The following ERC2 variants were observed in gnomAD, a reference collection of about 807,000 sequenced individuals.
ERC2 encodes ELKS/RAB6-interacting/CAST family member 2.
In ERC2, 42 loss-of-function variants were observed where a neutral mutation model predicts 114.8. That is an observed-to-expected ratio of 0.37 (90% confidence interval 0.29 to 0.47). The LOEUF (loss-of-function observed/expected upper bound fraction) is 0.47. ERC2 is among the 20% of genes least tolerant of loss of function. ERC2 has a pLI of 0.99. For missense variants in ERC2, 939 were observed against 1,150.7 expected (o/e 0.82, Z 2.66); for synonymous variants, 454 against 425.5 (o/e 1.07, Z -0.82).
At chr3:56,050,605 C>T (rs2149683523) in intron 7 of ERC2, among the ~76,000 whole-genome samples, 2 of 152,276 alleles carry the variant, frequency 1.3e-5, no homozygotes, top group South Asian at 4.1e-4. Context: ...TCAGCAAACA[C>T]CTTGTCTTCT....
chr3:56,287,514 C>T (rs930562744), intron 3 of ERC2, among the ~76,000 whole-genome samples: 1 of 152,164 alleles, frequency 6.6e-6, no homozygotes, highest in Non-Finnish European at 1.5e-5. Flanking sequence ...TTAATCTTCC[C>T]GCTGCTCTAT....
intron 3 of ERC2, among the ~76,000 whole-genome samples, chr3:56,190,603 C>A (rs1344455938): frequency 6.6e-6 from 1 of 151,652 alleles, no homozygotes; most frequent in African/African-American, 2.4e-5. Context: ...GCCCTGCTAA[C>A]TTTTTAAAAT....
chr3:55,600,918 T>C (rs1289387087), intron 17 of ERC2, among the ~76,000 whole-genome samples: 1 of 152,270 alleles, frequency 6.6e-6, no homozygotes, highest in African/African-American at 2.4e-5. Context: ...CCCTGCCATG[T>C]GGCATCTGGA....
At chr3:55,945,494 A>G (rs1415570280) in intron 13 of ERC2, among the ~76,000 whole-genome samples, 2 of 152,232 alleles carry the variant, frequency 1.3e-5, no homozygotes, top group Non-Finnish European at 1.5e-5. Flanking sequence ...CCTTCTGCAA[A>G]GAAACAACTT....
intron 7 of ERC2, among the ~76,000 whole-genome samples, chr3:56,056,024 C>T (rs936993939): frequency 2.6e-5 from 4 of 152,168 alleles, no homozygotes; most frequent in African/African-American, 9.7e-5. Context: ...TTGGAAGAGA[C>T]TTGTGCAAAG....
chr3:55,695,451 GAGCTGCCACACTGC>G (rs2062879335), intron 16 of ERC2, among the ~76,000 whole-genome samples: 1 of 152,138 alleles, frequency 6.6e-6, no homozygotes, highest in African/African-American at 2.4e-5. Flanking sequence ...CTAGATTCTT[GAGCTGCCACACTGC>G]ACTGACTTCT....
At chr3:56,194,279 G>T (rs1575770001) in intron 3 of ERC2, among the ~76,000 whole-genome samples, 1 of 152,000 alleles carries the variant, frequency 6.6e-6, no homozygotes, top group African/African-American at 2.4e-5. Flanking sequence ...AGAATCCGTG[G>T]ATTAACTTTA....
chr3:55,614,121 ACT>A (rs1388614972), intron 17 of ERC2, among the ~76,000 whole-genome samples: 5 of 151,668 alleles, frequency 3.3e-5, no homozygotes, highest in Admixed American at 1.3e-4. Flanking sequence ...GATCAGCCTG[ACT>A]CTGTTTTCAC....
At chr3:56,367,249 G>C (rs1370944858) in intron 2 of ERC2, among the ~76,000 whole-genome samples, 1 of 150,156 alleles carries the variant, frequency 6.7e-6, no homozygotes, top group Non-Finnish European at 1.5e-5. Flanking sequence ...AGATTGCTCA[G>C]GCCCAATGGG....
intron 14 of ERC2, among the ~76,000 whole-genome samples, chr3:55,757,113 A>G (rs1162115520): frequency 6.6e-6 from 1 of 152,196 alleles, no homozygotes; most frequent in Non-Finnish European, 1.5e-5. Flanking sequence ...GTATGTGGGT[A>G]TTCAGAAAAG....
At chr3:56,000,695 T>C (rs563903883) in intron 10 of ERC2, among the ~76,000 whole-genome samples, 1 of 152,138 alleles carries the variant, frequency 6.6e-6, no homozygotes, top group South Asian at 2.1e-4. Flanking sequence ...GGAAGAAGCA[T>C]GCTTTGGTGG....
At chr3:56,388,472 AC>A (rs1416406451) in intron 2 of ERC2, among the ~76,000 whole-genome samples, 3 of 152,144 alleles carry the variant, frequency 2.0e-5, no homozygotes, top group African/African-American at 7.2e-5. Context: ...CACTTCTTGT[AC>A]AACCCGTGGA....
intron 15 of ERC2, among the ~76,000 whole-genome samples, chr3:55,713,807 T>A (rs940019637): frequency 6.6e-6 from 1 of 152,146 alleles, no homozygotes; most frequent in African/African-American, 2.4e-5. Context: ...TATAAATCCA[T>A]CCATCCAGTC....
At chr3:56,170,355 C>T (rs930088895) in intron 4 of ERC2, among the ~76,000 whole-genome samples, 2 of 152,212 alleles carry the variant, frequency 1.3e-5, no homozygotes, top group African/African-American at 4.8e-5. Context: ...ATTTTCACAA[C>T]TCCAAAGTCC....
intron 2 of ERC2, among the ~76,000 whole-genome samples, chr3:56,398,977 C>T (rs2060420315): frequency 1.3e-5 from 2 of 152,180 alleles, no homozygotes; most frequent in South Asian, 4.1e-4. Context: ...AGGTTTAGAA[C>T]TTAAATCTGC....
At chr3:56,012,370 G>A (rs780558773) in intron 8 of ERC2, among the ~76,000 whole-genome samples, 5 of 152,204 alleles carry the variant, frequency 3.3e-5, no homozygotes, top group African/African-American at 4.8e-5. Flanking sequence ...GCTGGATCAC[G>A]TGGCACTTAT....
chr3:55,671,031 G>A (rs2061538636), intron 17 of ERC2, among the ~76,000 whole-genome samples: 1 of 152,168 alleles, frequency 6.6e-6, no homozygotes, highest in Admixed American at 6.5e-5. Flanking sequence ...TTGCACTGCT[G>A]TTCACACACT....
rs2061689142 is a variant in ERC2, at chr3:55,674,319, T to C, written c.*39+9475A>G. Among the ~76,000 whole-genome samples the C allele has an allele frequency of 2.6e-5, 4 of 152,134 alleles. No homozygotes were observed. The South Asian group carries it at 8.3e-4, about 31-fold the overall frequency. Reference sequence around the variant, plus strand: ...CTGCCCAACCACTCTGCGCCAAAGATTATGCAAAGACAGAGATTCCCATCT... The same window carrying C: ...CTGCCCAACCACTCTGCGCCAAAGACTATGCAAAGACAGAGATTCCCATCT... On this transcript the variant is annotated intron_variant, in intron 17 of 17. Coordinates refer to ENST00000288221, the MANE Select transcript of ERC2 (RefSeq NM_015576.3).
chr3:55,672,771 C>A (rs2061616633), intron 17 of ERC2, among the ~76,000 whole-genome samples: 1 of 152,090 alleles, frequency 6.6e-6, no homozygotes, highest in South Asian at 2.1e-4. Context: ...TACAGAGGGG[C>A]AAACGCCAGA....
Sources: gnomAD v4.1 joint callset for allele counts (sites outside exome capture counted in the v4.1 genomes callset) on GRCh38, gnomAD v4.1.1 for gene constraint, MANE v1.5 for transcripts, NCBI Gene and HGNC (gene_info 2026-07-23, HGNC 2026-07-21) for gene names.